FMN1: variants seen among roughly 807,000 people sequenced by gnomAD.
The protein encoded by FMN1 is formin-1.
Under a neutral mutation model 132.4 loss-of-function variants are expected in FMN1, and 110 were observed. That is an observed-to-expected ratio of 0.83 (90% CI 0.71 to 0.97). The LOEUF (loss-of-function observed/expected upper bound fraction) is 0.97. Among genes scored for constraint, FMN1 ranks in the 50% least tolerant of loss-of-function variants. FMN1 has a pLI of 0.00. For synonymous variants in FMN1, 722 were observed against 651.7 expected, an observed-to-expected ratio of 1.11 and a Z score of -1.64; for missense variants, 1,792 against 1,705.3, an observed-to-expected ratio of 1.05 and a Z score of -0.90.
chr15:33,003,889 G>A (rs370309727), intron 7 of FMN1, among the ~76,000 whole-genome samples: 17 of 152,110 alleles, frequency 1.1e-4, no homozygotes, highest in East Asian at 1.9e-4. Flanking sequence ...AAATAATGCC[G>A]CATATCTACA....
At chr15:33,141,299 C>A (rs1472689977) in intron 4 of FMN1, among the ~76,000 whole-genome samples, 1 of 152,128 alleles carries the variant, frequency 6.6e-6, no homozygotes, top group Non-Finnish European at 1.5e-5. Flanking sequence ...AGTTCAAAAT[C>A]CACCTGAAAT....
intron 6 of FMN1, among the ~76,000 whole-genome samples, chr15:33,052,821 A>C (rs2037039743): frequency 6.6e-6 from 1 of 151,784 alleles, no homozygotes; most frequent in Non-Finnish European, 1.5e-5. Context: ...ATATACACCT[A>C]CCCTTTTCTA....
At chr15:32,798,727 G>C in intron 19 of FMN1, 77 bp downstream of exon 19, 2 of 1,268,842 alleles carry the variant, frequency 1.6e-6, no homozygotes, top group Non-Finnish European at 2.2e-6. Flanking sequence ...GTGTGAAATA[G>C]ACACACTTTG....
intron 7 of FMN1, among the ~76,000 whole-genome samples, chr15:33,003,588 G>A (rs140949893): frequency 6.6e-6 from 1 of 152,180 alleles, no homozygotes; most frequent in Non-Finnish European, 1.5e-5. Flanking sequence ...TCATGGGTAA[G>A]AATCAATATC....
chr15:33,116,228 C>T (rs1322936256), intron 4 of FMN1, among the ~76,000 whole-genome samples: 1 of 151,628 alleles, frequency 6.6e-6, no homozygotes, highest in Non-Finnish European at 1.5e-5. Context: ...TTGACCTAGT[C>T]TAGGAAGCAT....
chr15:32,901,882 C>T, intron 13 of FMN1, 29 bp downstream of exon 13: 2 of 1,583,366 alleles, frequency 1.3e-6, no homozygotes, highest in Non-Finnish European at 1.7e-6. Flanking sequence ...CAGAGCAAGG[C>T]TATCTTTTAA....
intron 19 of FMN1, among the ~76,000 whole-genome samples, chr15:32,795,024 C>G (rs190550848): frequency 6.6e-6 from 1 of 151,700 alleles, no homozygotes; most frequent in Non-Finnish European, 1.5e-5. Context: ...AGTGAGACAC[C>G]GTCTCTACAA....
intron 7 of FMN1, among the ~76,000 whole-genome samples, chr15:32,994,887 T>C (rs1243625843): frequency 2.0e-5 from 3 of 152,186 alleles, no homozygotes; most frequent in Non-Finnish European, 4.4e-5. Flanking sequence ...TATGTGCACT[T>C]TGCTGTGCAT....
chr15:32,899,226 A>G (rs976466484), intron 14 of FMN1, among the ~76,000 whole-genome samples: 1 of 152,224 alleles, frequency 6.6e-6, no homozygotes, highest in Non-Finnish European at 1.5e-5. Context: ...AAAGGGAACC[A>G]GGGCCTAGAA....
intron 6 of FMN1, chr15:33,013,070 T>C (rs1245779171): frequency 1.5e-5 from 6 of 406,638 alleles, no homozygotes; most frequent in African/African-American, 1.2e-4. Flanking sequence ...AGATTTTAAT[T>C]ACTGCCAGGA....
At position 32,776,928 on chromosome 15, in the gene FMN1, G is replaced by C; in HGVS notation, c.4131-9C>G. 1.3e-6 allele frequency: 2 copies of C among 1,527,516 alleles called. No homozygotes were observed. Among genetic ancestry groups the C allele is most frequent in the Non-Finnish European group, 1.8e-6 (2 of 1,113,590 alleles). 94.6% of individuals were successfully genotyped at this position (1,527,516 alleles called of 1,614,324 possible). A position where few individuals can be genotyped will look rare whatever the true frequency, so the allele number is the denominator to read the frequency against. On this transcript the variant is annotated splice_polypyrimidine_tract_variant and intron_variant, in intron 19 of 20. Coordinates refer to ENST00000616417, the MANE Select transcript of FMN1 (RefSeq NM_001277313.2). ...CCTGAGCCATTTTCAATCTGAAATA[G>C]AAATAGGGAAAAGACAGGGGAGAGA...
In FMN1 at chr15:32,908,528, G is replaced by A; in HGVS notation, c.3339C>T (p.Ser1113=). 1 of 1,610,036 alleles carries A rather than the reference G, an allele frequency of 6.2e-7. No individual in the cohort carries two copies. The highest frequency in any genetic ancestry group is 1.3e-5 in the African/African-American group (1 of 74,326). Reference sequence around the variant, plus strand: ...CCAGCAGCTTCAGTTCTTCTTCTTTGGATGTCTCGTAATACTTTCTTATTT... The same window carrying A: ...CCAGCAGCTTCAGTTCTTCTTCTTTAGATGTCTCGTAATACTTTCTTATTT... ...LVKIRKYYET[S]KEEELKLLDK... The change falls in exon 12 of 21, where the codon TCC becomes TCT. Residue 1113 remains serine, a synonymous_variant. Coordinates refer to ENST00000616417, the MANE Select transcript of FMN1 (RefSeq NM_001277313.2).
chr15:33,132,934 A>G (rs181267682), intron 4 of FMN1, among the ~76,000 whole-genome samples: 1 of 152,312 alleles, frequency 6.6e-6, no homozygotes, highest in East Asian at 1.9e-4. Flanking sequence ...TGGACAAAAC[A>G]TGAAGAAACA....
Position 32,908,561 on chromosome 15 carries a change from C to G in FMN1, c.3306G>C (p.Glu1102Asp). 6.3e-7 allele frequency: 1 copy of G among 1,591,680 alleles called. No individual in the cohort carries two copies. Among genetic ancestry groups the G allele is most frequent in the Non-Finnish European group, 8.6e-7 (1 of 1,163,702 alleles). ...ALYENRAQED[E>D]LVKIRKYYET... ...CGTAATACTTTCTTATTTTAACCAG[C>G]TCATCCTCTTGGGCTCTCTGTATCA... Residue 1102 changes from glutamate to aspartate, a missense_variant, in exon 12 of 21, where the codon GAG becomes GAC. Physicochemically the swap from Glu to Asp is conservative, Grantham distance 45. Coordinates refer to ENST00000616417, the MANE Select transcript of FMN1 (RefSeq NM_001277313.2).
At chr15:32,968,442 T>C (rs2031450759) in intron 8 of FMN1, among the ~76,000 whole-genome samples, 1 of 152,184 alleles carries the variant, frequency 6.6e-6, no homozygotes, top group African/African-American at 2.4e-5. Context: ...ATCCGGACTC[T>C]TGTCTAGTCT....
rs80347070 is a variant in FMN1, at chr15:32,806,899, T to C, written c.3929-2567A>G. On this transcript the variant is annotated intron_variant, in intron 17 of 20. Transcript: ENST00000616417. ...CCCCTCCACACACACCCTCTACCCC[T>C]ACCTTCCTTCCATAGCCTTCCCACA... is the stretch of plus-strand genomic sequence containing the variant. 4.0e-3 allele frequency among the ~76,000 whole-genome samples: 608 copies of C among 152,274 alleles called. 3 individuals are homozygous for C. The highest frequency in any genetic ancestry group is 0.014 in the African/African-American group (581 of 41,578).
intron 5 of FMN1, chr15:33,066,422 G>C: frequency 9.3e-7 from 1 of 1,072,532 alleles, no homozygotes; most frequent in Non-Finnish European, 1.3e-6. Context: ...TCACTAACAG[G>C]CAACTAGGAT....
At chr15:33,088,227 T>C (rs978545832) in intron 5 of FMN1, among the ~76,000 whole-genome samples, 2 of 152,008 alleles carry the variant, frequency 1.3e-5, no homozygotes, top group Admixed American at 6.6e-5. Context: ...ATTTAAAAAA[T>C]TTAAAAAAAA....
chr15:33,000,507 T>C (rs977464760), intron 7 of FMN1, among the ~76,000 whole-genome samples: 1 of 149,022 alleles, frequency 6.7e-6, no homozygotes, highest in African/African-American at 2.5e-5. Context: ...CTGAGCATAG[T>C]GGCTGACACC....
Sources: gnomAD v4.1 joint callset for allele counts (sites outside exome capture counted in the v4.1 genomes callset) on GRCh38, gnomAD v4.1.1 for gene constraint, MANE v1.5 for transcripts, NCBI Gene and HGNC (gene_info 2026-07-23, HGNC 2026-07-21) for gene names.